The following GRK7 variants were observed in gnomAD, a reference collection of about 807,000 sequenced individuals.
GRK7 encodes the protein rhodopsin kinase GRK7.
A neutral mutation model predicts 34.1 loss-of-function variants in GRK7; 24 were observed. The observed-to-expected ratio is 0.70, with a 90% CI of 0.51 to 0.99. The LOEUF is 0.99. Ranked by LOEUF, GRK7 falls within the 50% of genes least tolerant of loss-of-function variation. The pLI is 0.00. For missense variants in GRK7, 644 were observed against 707.3 expected (o/e 0.91, Z 1.02); for synonymous variants, 256 against 279.4 (o/e 0.92, Z 0.84).
rs1711171185 is a variant in GRK7, at chr3:141,818,086, A to G, written c.*1036A>G. On this transcript the variant is annotated 3_prime_UTR_variant, in exon 6 of 6. Transcript: ENST00000682958. ...TGAAACAAGACAGTCTATTCATCTT[A>G]TGGCTTCTCTTGTCCTTGCACACTT... is the stretch of plus-strand genomic sequence containing the variant. 6.6e-6 allele frequency: 1 copy of G among 152,196 alleles called. No individual in the cohort carries two copies. The highest frequency in any genetic ancestry group is 1.5e-5 in the Non-Finnish European group (1 of 68,042). 9.4% of individuals were successfully genotyped at this position (152,196 alleles called of 1,614,324 possible). A position where few individuals can be genotyped will look rare whatever the true frequency, so the allele number is the denominator to read the frequency against.
intron 4 of GRK7, among the ~76,000 whole-genome samples, chr3:141,785,229 G>T (rs1332932930): frequency 6.6e-6 from 1 of 152,190 alleles, no homozygotes; most frequent in Admixed American, 6.5e-5. Context: ...AATTTGGCTA[G>T]CTTTTTCTCA....
upstream of GRK7, among the ~76,000 whole-genome samples, chr3:141,759,130 A>G (rs1448210182): frequency 7.0e-6 from 1 of 142,742 alleles, no homozygotes; most frequent in East Asian, 2.1e-4. Context: ...CTCTTTTCCT[A>G]ACTGAATACC....
In GRK7 at chr3:141,818,873, T is replaced by C. The variant is rs1711181793; in HGVS notation, c.*1823T>C. ...TCTACAAGACAGCATTAACCACACC[T>C]GGAACAAGTTAAGAAGAAGCCCTCT... On this transcript the variant is annotated 3_prime_UTR_variant, in exon 6 of 6. Coordinates refer to ENST00000682958, the MANE Select transcript of GRK7 (RefSeq NM_139209.3). Among the ~76,000 whole-genome samples, 1 of 152,186 alleles carries C rather than the reference T, an allele frequency of 6.6e-6. No homozygotes were observed. The highest frequency in any genetic ancestry group is 2.1e-4 in the South Asian group (1 of 4,834).
intron 2 of GRK7, among the ~76,000 whole-genome samples, chr3:141,776,491 C>T (rs967789880): frequency 6.6e-6 from 1 of 152,096 alleles, no homozygotes; most frequent in Non-Finnish European, 1.5e-5. Flanking sequence ...ATATAAAGAA[C>T]AGAAAAGTAT....
At chr3:141,806,160 T>C (rs1047129536) in intron 4 of GRK7, among the ~76,000 whole-genome samples, 6 of 152,246 alleles carry the variant, frequency 3.9e-5, no homozygotes, top group African/African-American at 1.4e-4. Context: ...TTCTTTCTTC[T>C]GAGTCTCTTC....
chr3:141,801,331 AAAAG>A (rs1179536516), intron 4 of GRK7, among the ~76,000 whole-genome samples: 179 of 150,980 alleles, frequency 1.2e-3, no homozygotes, highest in African/African-American at 3.9e-3. Flanking sequence ...AAAAAAAAAA[AAAAG>A]AAATGCAAAG....
At chr3:141,777,172 C>T (rs1229901947) in intron 2 of GRK7, among the ~76,000 whole-genome samples, 1 of 152,040 alleles carries the variant, frequency 6.6e-6, no homozygotes, top group Non-Finnish European at 1.5e-5. Flanking sequence ...GACCGCATGC[C>T]GTGAGTGGCG....
chr3:141,812,239 A>G (rs2107896535), intron 5 of GRK7, among the ~76,000 whole-genome samples: 1 of 152,296 alleles, frequency 6.6e-6, no homozygotes, highest in East Asian at 1.9e-4. Flanking sequence ...TTCCACTCCA[A>G]TGAGCAGAAG....
chr3:141,812,330 C>T (rs1022122482), intron 5 of GRK7, among the ~76,000 whole-genome samples: 1 of 152,186 alleles, frequency 6.6e-6, no homozygotes, highest in African/African-American at 2.4e-5. Context: ...CAAAGTGTAC[C>T]GCACAATGAT....
chr3:141,793,803 A>G (rs1178342815), intron 4 of GRK7, among the ~76,000 whole-genome samples: 1 of 152,236 alleles, frequency 6.6e-6, no homozygotes, highest in African/African-American at 2.4e-5. Context: ...CTCACTGTGA[A>G]ATAAAAATAT....
Position 141,816,810 on chromosome 3 carries a change from C to A in GRK7, c.1422C>A (p.Asp474Glu), listed in dbSNP as rs1577930590. ...TAATTGAACCCCCATTTGTGCCAGA[C>A]CCTTCAGTGGTTTATGCCAAAGACA... ...AGLIEPPFVP[D>E]PSVVYAKDIA... is the part of the protein sequence containing the mutation. Residue 474 changes from aspartate (D) to glutamate (E), a missense_variant, in exon 6 of 6, where the codon GAC becomes GAA. Coordinates refer to ENST00000682958, the MANE Select transcript of GRK7 (RefSeq NM_139209.3). 1 of 1,610,514 alleles carries A rather than the reference C, an allele frequency of 6.2e-7. No homozygotes were observed. Among genetic ancestry groups the A allele is most frequent in the East Asian group, 2.2e-5 (1 of 44,808 alleles).
chr3:141,757,147 C>CTTTTTTTTTCT, the GRK7 span, among the ~76,000 whole-genome samples: 3 of 89,452 alleles, frequency 3.4e-5, no homozygotes, highest in Admixed American at 2.3e-4. Flanking sequence ...TTTTTTTTTT[C>CTTTTTTTTTCT]TTTTTTTTTT....
intron 3 of GRK7, among the ~76,000 whole-genome samples, 178 bp from the exon 4 acceptor site, chr3:141,780,196 G>C (rs1334887451): frequency 6.6e-6 from 1 of 152,180 alleles, no homozygotes; most frequent in African/African-American, 2.4e-5. Flanking sequence ...GGCCTGCCTA[G>C]TGAGGTGAAG....
At chr3:141,766,542 T>A (rs999966829) in intron 1 of GRK7, among the ~76,000 whole-genome samples, 2 of 152,238 alleles carry the variant, frequency 1.3e-5, no homozygotes, top group African/African-American at 4.8e-5. Flanking sequence ...AAAAAGTCTT[T>A]AAAGCAGACT....
chr3:141,797,042 A>G (rs373772522), intron 4 of GRK7, among the ~76,000 whole-genome samples: 1 of 152,326 alleles, frequency 6.6e-6, no homozygotes, highest in South Asian at 2.1e-4. Context: ...ACCGGCTTAT[A>G]ACTGGTAGAG....
chr3:141,799,093 A>C (rs1455888071), intron 4 of GRK7, among the ~76,000 whole-genome samples: 1 of 152,154 alleles, frequency 6.6e-6, no homozygotes, highest in East Asian at 1.9e-4. Flanking sequence ...TGTGTGGAGC[A>C]GCCGAGCCAG....
In GRK7 at chr3:141,817,034, T is replaced by C. The variant is rs755120914; in HGVS notation, c.1646T>C (p.Val549Ala). 6.9e-6 allele frequency: 11 copies of C among 1,601,406 alleles called. No homozygotes were observed. In the Middle Eastern group the frequency reaches 1.0e-3, roughly 146 times the overall value. ...GAGGGTAATTCATCCAAGTCTGGCG[T>C]GTGTTTGTTATTGTAAATTGCTCTC... The part of the protein sequence containing the change: ...CEEGNSSKSG[V>A]CLLL Residue 549 changes from valine to alanine, a missense_variant, in exon 6 of 6, where the codon GTG (valine) becomes GCG (alanine). Physicochemically the swap from Val to Ala is moderately conservative, Grantham distance 64 (BLOSUM62 0). Transcript: ENST00000682958.
At chr3:141,802,921 C>T (rs1301470623) in intron 4 of GRK7, among the ~76,000 whole-genome samples, 1 of 152,152 alleles carries the variant, frequency 6.6e-6, no homozygotes, top group East Asian at 1.9e-4. Flanking sequence ...ATCACATCCC[C>T]CTTCCCTCAC....
At chr3:141,771,944 C>T (rs1195986814) in intron 1 of GRK7, among the ~76,000 whole-genome samples, 1 of 151,818 alleles carries the variant, frequency 6.6e-6, no homozygotes, top group African/African-American at 2.4e-5. Flanking sequence ...CTCAGCCTCC[C>T]AAAAGTGCTG....
Sources: allele counts gnomAD v4.1 joint callset (sites outside exome capture counted in the v4.1 genomes callset), GRCh38; gene constraint gnomAD v4.1.1; transcripts MANE v1.5; gene names NCBI Gene and HGNC (gene_info 2026-07-23, HGNC 2026-07-21).